Variants in MAP3K2 observed in about 807,000 individuals in gnomAD.
MAP3K2 encodes mitogen-activated protein kinase kinase kinase 2.
A neutral mutation model predicts 80.3 loss-of-function variants in MAP3K2; 24 were observed. The observed-to-expected ratio is 0.30, with a 90% confidence interval of 0.22 to 0.42. The LOEUF is 0.42. MAP3K2 is among the 10% of genes least tolerant of loss of function. The pLI is 1.00. For missense variants in MAP3K2, 608 were observed against 750.1 expected, an observed-to-expected ratio of 0.81 and a Z score of 2.21; for synonymous variants, 244 against 253.7, an observed-to-expected ratio of 0.96 and a Z score of 0.36.
At position 127,322,084 on chromosome 2, in the gene MAP3K2, G is replaced by A. The variant is rs1235000302; in HGVS notation, c.1007C>T (p.Pro336Leu). ...IRRRGSDIDN[P>L]TLTVMDISPP... ...GCTGATGTCCATTACGGTCAAAGTA[G>A]GATTGTCTATGTCACTTCCCCTTCT... The change falls in exon 12 of 17, where the codon CCT (proline) becomes CTT (leucine). Residue 336 changes from proline (P) to leucine (L), a missense_variant. Coordinates refer to ENST00000682094, the MANE Select transcript of MAP3K2 (RefSeq NM_001371910.2). The surrounding 1 kb of genome is among the most constrained non-coding windows in gnomAD (Gnocchi z 4.2). 1.2e-6 allele frequency: 2 copies of A among 1,613,560 alleles called. No homozygotes were observed. Among genetic ancestry groups the A allele is most frequent in the Admixed American group, 1.7e-5 (1 of 59,948 alleles).
chr2:127,338,973 G>T lies in MAP3K2; in HGVS notation c.82C>A (p.Gln28Lys). The T allele has an allele frequency of 6.2e-7, 1 of 1,612,030 alleles. No individual in the cohort carries two copies. The highest frequency in any genetic ancestry group is 8.5e-7 in the Non-Finnish European group (1 of 1,179,162). ...HKASRPALSL[Q>K]ETRKAKSSSP... ...GAAGATTTTGCTTTTCTGGTTTCCT[G>T]CAAGGATAATGCTGGTCGACTGGCC... The change falls in exon 3 of 17, where the codon CAG becomes AAG. Residue 28 changes from glutamine to lysine, a missense_variant. Around this residue, in one of 4 missense-constraint regions of MAP3K2, gnomAD observed 467 missense variants for 521.9 expected, o/e 0.89. Coordinates refer to ENST00000682094, the MANE Select transcript of MAP3K2 (RefSeq NM_001371910.2).
intron 1 of MAP3K2, among the ~76,000 whole-genome samples, chr2:127,349,574 G>A (rs1435956458): frequency 6.6e-6 from 1 of 152,102 alleles, no homozygotes; most frequent in Non-Finnish European, 1.5e-5. Flanking sequence ...ATTTTAAACA[G>A]CTGAGAAGAA....
rs565314255 is a variant in MAP3K2 at position 127,298,752 on chromosome 2, T to TA, written c.*8826dup. On this transcript the variant is annotated 3_prime_UTR_variant, in exon 17 of 17. Transcript: ENST00000682094. ...TTCCATAGTCCAGAAGGTTACTTATTAGAGTAAGCCTTTGCACCACAATCT... is the reference window on the plus strand; with the variant it reads ...TTCCATAGTCCAGAAGGTTACTTATTAAGAGTAAGCCTTTGCACCACAATCT... 6.6e-6 allele frequency: 1 copy of TA among 152,224 alleles called. No homozygotes were observed. Among genetic ancestry groups the TA allele is most frequent in the Non-Finnish European group, 1.5e-5 (1 of 68,028 alleles). 9.4% of individuals were successfully genotyped at this position (152,224 alleles called of 1,614,324 possible).
chr2:127,330,893 C>T (rs1686243764), intron 5 of MAP3K2, among the ~76,000 whole-genome samples: 1 of 152,058 alleles, frequency 6.6e-6, no homozygotes. Context: ...ATAGATGAAA[C>T]TCAGTTCTTT....
At chr2:127,349,485 C>T (rs923143069) in intron 1 of MAP3K2, among the ~76,000 whole-genome samples, 33 of 152,018 alleles carry the variant, frequency 2.2e-4, no homozygotes, top group African/African-American at 7.5e-4. Context: ...CTTCATCATG[C>T]CTATCAGTAC....
At position 127,335,983 on chromosome 2, in the gene MAP3K2, AT is replaced by A; in HGVS notation, c.165-15del. 7.1e-7 allele frequency: 1 copy of A among 1,410,940 alleles called. No homozygotes were observed. Among genetic ancestry groups the A allele is most frequent in the Non-Finnish European group, 9.8e-7 (1 of 1,021,628 alleles). The allele number at this position is 1,410,940 out of a possible 1,614,324, so 87.4% of individuals were successfully genotyped here. On this transcript the variant is annotated splice_polypyrimidine_tract_variant and intron_variant, in intron 4 of 16. Coordinates refer to ENST00000682094, the MANE Select transcript of MAP3K2 (RefSeq NM_001371910.2). The stretch of plus-strand genomic sequence containing the variant: ...AACTGAAGGATTCTATATAAACACA[AT>A]TTTAAGATTTTATTTTCTTAGGCAA...
chr2:127,381,746 A>G (rs1687248556), intron 1 of MAP3K2, among the ~76,000 whole-genome samples: 1 of 152,226 alleles, frequency 6.6e-6, no homozygotes, highest in African/African-American at 2.4e-5. Flanking sequence ...ATCACAAATA[A>G]TGGGACTGCA....
Position 127,376,694 on chromosome 2 carries a change from C to T in MAP3K2, c.-66+10758G>A, listed in dbSNP as rs144997699. 1.1e-3 allele frequency among the ~76,000 whole-genome samples: 169 copies of T among 152,232 alleles called. 1 individual carries two copies. The highest frequency in any genetic ancestry group is 7.3e-3 in the South Asian group (35 of 4,814). ...TACATGGTATGAGCAAAACATACAC[C>T]TTCTGTTGTTTTAAGCCACTGAGAT... On this transcript the variant is annotated intron_variant, in intron 1 of 16. Coordinates refer to ENST00000682094, the MANE Select transcript of MAP3K2 (RefSeq NM_001371910.2).
At chr2:127,328,823 C>T (rs1686195317) in intron 7 of MAP3K2, among the ~76,000 whole-genome samples, 1 of 152,182 alleles carries the variant, frequency 6.6e-6, no homozygotes, top group Non-Finnish European at 1.5e-5. Flanking sequence ...CAATCCTCTT[C>T]TGTTACCAAT....
chr2:127,342,388 G>GGGGGGT (rs143219830), intron 2 of MAP3K2, among the ~76,000 whole-genome samples: 4 of 147,744 alleles, frequency 2.7e-5, no homozygotes, highest in African/African-American at 1.0e-4. Flanking sequence ...TCTTCATGAG[G>GGGGGGT]GTGTGTGTGT....
rs770321174 is a variant in MAP3K2, at chr2:127,326,786, GGGA to G, written c.495_497del (p.Pro167del). 6.3e-7 allele frequency: 1 copy of G among 1,598,074 alleles called. No homozygotes were observed. The highest frequency in any genetic ancestry group is 1.3e-5 in the African/African-American group (1 of 74,578). On this transcript the variant is annotated inframe_deletion, in exon 8 of 17. Coordinates refer to ENST00000682094, the MANE Select transcript of MAP3K2 (RefSeq NM_001371910.2). Reference sequence around the variant, plus strand: ...GTAATTCATCTGGAATGTAACCTGGGGGAGGAGAACTTCTATCTCTACTAGTAG... The same window carrying G: ...GTAATTCATCTGGAATGTAACCTGGGGGAGAACTTCTATCTCTACTAGTAG...
intron 1 of MAP3K2, among the ~76,000 whole-genome samples, chr2:127,372,357 A>G (rs188960643): frequency 2.6e-4 from 40 of 152,332 alleles, no homozygotes; most frequent in Admixed American, 9.8e-4. Context: ...ACAAAAGTAC[A>G]CTGGAATCAA....
At chr2:127,328,143 C>T (rs755845716) in intron 7 of MAP3K2, among the ~76,000 whole-genome samples, 8 of 152,108 alleles carry the variant, frequency 5.3e-5, no homozygotes, top group Non-Finnish European at 1.0e-4. Flanking sequence ...GGCATGGTGG[C>T]GGGCGCCTGT....
At position 127,307,460 on chromosome 2, in the gene MAP3K2, T is replaced by TC; in HGVS notation, c.*118dup. 1 of 513,390 alleles carries TC rather than the reference T, an allele frequency of 1.9e-6. No homozygotes were observed. The highest frequency in any genetic ancestry group is 3.4e-6 in the Non-Finnish European group (1 of 291,622). The allele number at this position is 513,390 out of a possible 1,614,324, so 31.8% of individuals were successfully genotyped here. On this transcript the variant is annotated 3_prime_UTR_variant, in exon 17 of 17. Transcript: ENST00000682094. This position sits in a 1 kb window ranked among gnomAD's most constrained non-coding sequence, Gnocchi z 5.4. ...TAACCAAGAATCAAGAGAAATACTTTCCCTCTTGTCTTTTTTCTCCCCCAT... is the reference window on the plus strand; with the variant it reads ...TAACCAAGAATCAAGAGAAATACTTTCCCCTCTTGTCTTTTTTCTCCCCCAT...
chr2:127,371,796 GA>G (rs940096186), intron 1 of MAP3K2, among the ~76,000 whole-genome samples: 2 of 152,152 alleles, frequency 1.3e-5, no homozygotes, highest in African/African-American at 4.8e-5. Context: ...GGTAACTCAG[GA>G]AAAGAACCCC....
chr2:127,378,103 C>T, intron 1 of MAP3K2: 1 of 873,192 alleles, frequency 1.1e-6, no homozygotes, highest in Non-Finnish European at 1.4e-6. Flanking sequence ...GAAGCTTTAC[C>T]AGAATGCAAA....
At chr2:127,369,488 A>C (rs1399659819) in intron 1 of MAP3K2, among the ~76,000 whole-genome samples, 1 of 149,108 alleles carries the variant, frequency 6.7e-6, no homozygotes, top group Non-Finnish European at 1.5e-5. Context: ...AAAAAAAAAA[A>C]AAAAAAACAG....
At chr2:127,379,234 T>C (rs906801400) in intron 1 of MAP3K2, among the ~76,000 whole-genome samples, 1 of 152,202 alleles carries the variant, frequency 6.6e-6, no homozygotes, top group Non-Finnish European at 1.5e-5. Flanking sequence ...TCACATTAAA[T>C]AAGAGAGCTT....
In MAP3K2 at chr2:127,303,311, A is replaced by G. The variant is rs1322686069; in HGVS notation, c.*4268T>C. The G allele has an allele frequency of 6.8e-6, 1 of 147,338 alleles. No homozygotes were observed. The highest frequency in any genetic ancestry group is 1.5e-5 in the Non-Finnish European group (1 of 66,916). 9.1% of individuals were successfully genotyped at this position (147,338 alleles called of 1,614,324 possible). On this transcript the variant is annotated 3_prime_UTR_variant, in exon 17 of 17. Coordinates refer to ENST00000682094, the MANE Select transcript of MAP3K2 (RefSeq NM_001371910.2). ...GACCAAAATAAAGTATGTTTTCTTT[A>G]AAAGAGACACTGGGGAAAAAAAAAA...
Sources: gnomAD v4.1 joint callset for allele counts (sites outside exome capture counted in the v4.1 genomes callset) on GRCh38, gnomAD v4.1.1 for gene constraint, gnomAD v4.1.1 regional missense constraint, Gnocchi (gnomAD v3.1) non-coding constraint, MANE v1.5 for transcripts, NCBI Gene and HGNC (gene_info 2026-07-23, HGNC 2026-07-21) for gene names.